The following NNT variants were observed in gnomAD, a reference collection of about 807,000 sequenced individuals.
NNT encodes nicotinamide nucleotide transhydrogenase, also known as NAD(P) transhydrogenase, mitochondrial.
A neutral mutation model predicts 104.8 loss-of-function variants in NNT; 50 were observed. The observed-to-expected ratio is 0.48, with a 90% CI of 0.38 to 0.60. The LOEUF (loss-of-function observed/expected upper bound fraction) is 0.60. Ranked by LOEUF, NNT falls within the 20% of genes least tolerant of loss-of-function variation. The pLI is 0.00. For synonymous variants in NNT, 461 were observed against 490.4 expected, an observed-to-expected ratio of 0.94 and a Z score of 0.79; for missense variants, 1,131 against 1,330.7, an observed-to-expected ratio of 0.85 and a Z score of 2.33.
At chr5:43,668,426 G>A (rs1452462540) in intron 17 of NNT, among the ~76,000 whole-genome samples, 2 of 152,154 alleles carry the variant, frequency 1.3e-5, no homozygotes, top group Non-Finnish European at 2.9e-5. Context: ...TAACATTTAA[G>A]TCTTTAATCC....
At chr5:43,701,411 T>C (rs1037005407) in intron 20 of NNT, among the ~76,000 whole-genome samples, 4 of 152,194 alleles carry the variant, frequency 2.6e-5, no homozygotes, top group African/African-American at 9.7e-5. Flanking sequence ...AAGGACACGA[T>C]TTCCATCCTT....
chr5:43,637,538 G>C (rs777562366), intron 7 of NNT, among the ~76,000 whole-genome samples: 2 of 152,050 alleles, frequency 1.3e-5, no homozygotes, highest in African/African-American at 4.8e-5. Flanking sequence ...TTAACAGAAC[G>C]TAGTCCAGTT....
chr5:43,693,271 C>T (rs898838806), intron 19 of NNT, among the ~76,000 whole-genome samples: 3 of 152,086 alleles, frequency 2.0e-5, no homozygotes, highest in Non-Finnish European at 2.9e-5. Context: ...TTGGTTATTT[C>T]AATATAATGC....
intron 16 of NNT, among the ~76,000 whole-genome samples, chr5:43,658,960 ATT>A (rs920570794): frequency 3.3e-5 from 5 of 150,200 alleles, no homozygotes; most frequent in African/African-American, 1.2e-4. Flanking sequence ...AAATGTAGGG[ATT>A]TTTTTTTAGG....
At chr5:43,673,436 C>A (rs1035699062) in intron 17 of NNT, among the ~76,000 whole-genome samples, 8 of 152,192 alleles carry the variant, frequency 5.3e-5, no homozygotes, top group African/African-American at 1.9e-4. Context: ...CCAATCCTCA[C>A]TGGACTCTTT....
At chr5:43,619,903 G>A (rs949875771) in intron 5 of NNT, among the ~76,000 whole-genome samples, 16 of 152,076 alleles carry the variant, frequency 1.1e-4, no homozygotes, top group Non-Finnish European at 2.2e-4. Context: ...GGGAGCAGGC[G>A]TGTGCAAAAA....
Position 43,622,063 on chromosome 5 carries a change from T to A in NNT, c.688-1969T>A, listed in dbSNP as rs975375181. Among the ~76,000 whole-genome samples the A allele has an allele frequency of 1.6e-4, 25 of 152,136 alleles. 1 individual carries two copies. The highest frequency in any genetic ancestry group is 5.8e-4 in the African/African-American group (24 of 41,420). On this transcript the variant is annotated intron_variant, in intron 5 of 21. Coordinates refer to ENST00000344920, the MANE Select transcript of NNT (RefSeq NM_182977.3). ...ATGTTTGGTTTAGGATTTAAAAAAA[T>A]CATGTGGCTGTTCTGTGGGGGAATG...
At chr5:43,625,528 A>G (rs1450804608) in intron 6 of NNT, among the ~76,000 whole-genome samples, 1 of 152,160 alleles carries the variant, frequency 6.6e-6, no homozygotes, top group Non-Finnish European at 1.5e-5. Context: ...TAAATATGAA[A>G]TCCAAATGTA....
chr5:43,676,198 T>C (rs1741407277), intron 18 of NNT, among the ~76,000 whole-genome samples: 1 of 152,212 alleles, frequency 6.6e-6, no homozygotes, highest in Non-Finnish European at 1.5e-5. Flanking sequence ...CTATGTGACA[T>C]TGCCCAAGTC....
rs1750476946 is a variant in NNT at position 43,628,318 on chromosome 5, G to A, written c.895G>A (p.Ala299Thr). The A allele has an allele frequency of 1.2e-6, 2 of 1,613,854 alleles. No homozygotes were observed. The highest frequency in any genetic ancestry group is 2.7e-5 in the African/African-American group (2 of 74,962). Residue 299 changes from alanine to threonine, a missense_variant, in exon 7 of 22, where the codon GCT becomes ACT. By Grantham distance (58) the Ala-to-Thr change is moderately conservative. Transcript: ENST00000344920. ...AGAGATGTCCAAAGAGTTCATTGAAGCTGAAATGAAACTCTTTGCTCAACA... is the reference window on the plus strand; with the variant it reads ...AGAGATGTCCAAAGAGTTCATTGAAACTGAAATGAAACTCTTTGCTCAACA... ...AKEMSKEFIE[A>T]EMKLFAQQCK...
chr5:43,623,479 A>G (rs932368389), intron 5 of NNT, among the ~76,000 whole-genome samples: 5 of 152,146 alleles, frequency 3.3e-5, no homozygotes, highest in Admixed American at 3.3e-4. Context: ...ACTTACGGAG[A>G]GTTGCTCAAA....
chr5:43,617,984 C>T (rs143219019), intron 4 of NNT, among the ~76,000 whole-genome samples: 15 of 152,172 alleles, frequency 9.9e-5, no homozygotes, highest in African/African-American at 2.6e-4. Flanking sequence ...TGTCACCTAG[C>T]AGGGGAGTTT....
chr5:43,675,607 G>A lies in NNT; in HGVS notation c.2731G>A (p.Glu911Lys), dbSNP rs1561313990. Reference protein sequence around the residue: ...KPMEISGTHTEINLDNAIDMI... With the variant: ...KPMEISGTHTKINLDNAIDMI... ...CATGGAAATTTCTGGCACACATACG[G>A]AAATCAACCTTGACAATGCAATTGA... is the stretch of plus-strand genomic sequence containing the variant. The change falls in exon 18 of 22, where the codon GAA becomes AAA. Residue 911 changes from glutamate (E) to lysine (K), a missense_variant. By Grantham distance (56) the Glu-to-Lys change is moderately conservative (BLOSUM62 1). Coordinates refer to ENST00000344920, the MANE Select transcript of NNT (RefSeq NM_182977.3). The A allele has an allele frequency of 1.9e-6, 3 of 1,613,028 alleles. No homozygotes were observed. Among genetic ancestry groups the A allele is most frequent in the Non-Finnish European group, 2.5e-6 (3 of 1,179,642 alleles).
intron 19 of NNT, among the ~76,000 whole-genome samples, chr5:43,682,208 C>CTTTTTTTTT (rs71610326): frequency 5.9e-4 from 59 of 100,226 alleles, no homozygotes; most frequent in Non-Finnish European, 7.4e-4. Context: ...TAACTGGATT[C>CTTTTTTTTT]TTTTTTTTTT....
At chr5:43,675,470 A>C in intron 17 of NNT, 41 bp from the exon 18 acceptor site, 2 of 1,560,204 alleles carry the variant, frequency 1.3e-6, no homozygotes, top group Non-Finnish European at 1.7e-6. Flanking sequence ...TCACAAAGTT[A>C]TGTGTGTTAA....
chr5:43,678,509 G>C (rs1218286303), intron 19 of NNT, among the ~76,000 whole-genome samples: 1 of 152,090 alleles, frequency 6.6e-6, no homozygotes, highest in Non-Finnish European at 1.5e-5. Flanking sequence ...ATTTATTAAT[G>C]GGGAAATCGG....
At chr5:43,618,388 T>G (rs1194729166) in intron 4 of NNT, among the ~76,000 whole-genome samples, 4 of 152,196 alleles carry the variant, frequency 2.6e-5, no homozygotes, top group African/African-American at 9.6e-5. Context: ...GGTCAGTATA[T>G]CGGAAAATCC....
intron 1 of NNT, among the ~76,000 whole-genome samples, chr5:43,604,156 T>C (rs10065689): frequency 0.48 from 73,360 of 151,980 alleles, 18,546 homozygotes; most frequent in Middle Eastern, 0.63. Flanking sequence ...TCCTTGCTGG[T>C]ATGTCTCGCT....
intron 1 of NNT, among the ~76,000 whole-genome samples, chr5:43,605,542 A>AG (rs1749172614): frequency 1.3e-5 from 2 of 151,254 alleles, no homozygotes; most frequent in Non-Finnish European, 3.0e-5. Flanking sequence ...AAAAAAAAAA[A>AG]AAAAAAAAAG....
Sources: gnomAD v4.1 joint callset for allele counts (sites outside exome capture counted in the v4.1 genomes callset) on GRCh38, gnomAD v4.1.1 for gene constraint, MANE v1.5 for transcripts, NCBI Gene and HGNC (gene_info 2026-07-23, HGNC 2026-07-21) for gene names.